MACF1: variants seen among roughly 807,000 people sequenced by gnomAD.
MACF1 encodes microtubule actin crosslinking factor 1.
Under a neutral mutation model 854.8 loss-of-function variants are expected in MACF1, and 193 were observed. The observed-to-expected ratio is 0.23, with a 90% CI of 0.20 to 0.25. The LOEUF (loss-of-function observed/expected upper bound fraction) is 0.25, where lower values mean the gene tolerates loss of function less well. Ranked by LOEUF, MACF1 falls within the 10% of genes least tolerant of loss-of-function variation. The pLI is 1.00. For missense variants in MACF1, 7,722 were observed against 8,929.1 expected (o/e 0.86, Z 5.45); for synonymous variants, 3,185 against 3,226.7 (o/e 0.99, Z 0.44).
chr1:39,338,718 A>G (rs1481292594), intron 38 of MACF1, among the ~76,000 whole-genome samples: 1 of 152,210 alleles, frequency 6.6e-6, no homozygotes, highest in African/African-American at 2.4e-5. Flanking sequence ...GGAAGTTCAC[A>G]TACATACTGA....
At position 39,448,024 on chromosome 1, in the gene MACF1, T is replaced by C; in HGVS notation, c.19969-9T>C. The stretch of plus-strand genomic sequence containing the variant: ...CATTCCTGTTAACTTATTTCTTATG[T>C]AATTTTAGTTCCATGAAGCTTGGAA... On this transcript the variant is annotated splice_polypyrimidine_tract_variant and intron_variant, in intron 82 of 100. Transcript: ENST00000564288. 1 of 1,613,906 alleles carries C rather than the reference T, an allele frequency of 6.2e-7. No individual in the cohort carries two copies. The highest frequency in any genetic ancestry group is 8.5e-7 in the Non-Finnish European group (1 of 1,179,928).
chr1:39,095,711 A>G (rs998877070), intron 2 of MACF1, among the ~76,000 whole-genome samples: 2 of 148,034 alleles, frequency 1.4e-5, no homozygotes, highest in South Asian at 2.1e-4. Flanking sequence ...TGAGACCACC[A>G]TCTCCACAAA....
In MACF1 at chr1:39,388,578, G is replaced by A. The variant is rs758028660; in HGVS notation, c.15736G>A (p.Ala5246Thr). 4 of 1,613,902 alleles carry A rather than the reference G, an allele frequency of 2.5e-6. No homozygotes were observed. Among genetic ancestry groups the A allele is most frequent in the South Asian group, 2.2e-5 (2 of 91,074 alleles). ...GAAAGGACTCAATGACGCGACCACA[G>A]CAGCAGAGGAGGCAGAGGCCCTCCA... ...KLKGLNDATT[A>T]AEEAEALQWV... The change falls in exon 58 of 101, where the codon GCA becomes ACA. Residue 5246 changes from alanine to threonine, a missense_variant. By Grantham distance (58) the Ala-to-Thr change is moderately conservative. This residue lies in a region of MACF1 where 2,807 missense variants were observed against 3,235.8 expected (regional missense o/e 0.87). Transcript: ENST00000564288.
At chr1:39,315,405 A>G (rs1646392859) in intron 26 of MACF1, 108 bp from the exon 27 acceptor site, 1 of 878,786 alleles carries the variant, frequency 1.1e-6, no homozygotes, top group Non-Finnish European at 1.8e-6. Context: ...CCTCCTATAT[A>G]TGGGCATTTA....
intron 97 of MACF1, among the ~76,000 whole-genome samples, chr1:39,479,165 T>G (rs1644968225): frequency 1.3e-5 from 2 of 152,174 alleles, no homozygotes; most frequent in South Asian, 4.1e-4. Context: ...TGGCCTTTTA[T>G]TGCTTTCAGT....
chr1:39,310,484 T>C, intron 25 of MACF1, 56 bp downstream of exon 25: 1 of 1,541,634 alleles, frequency 6.5e-7, no homozygotes, highest in East Asian at 2.3e-5. Flanking sequence ...TTTCAAGGGG[T>C]TGCTGTGAAA....
At chr1:39,477,690 G>A (rs1334353950) in intron 97 of MACF1, among the ~76,000 whole-genome samples, 2 of 152,026 alleles carry the variant, frequency 1.3e-5, no homozygotes, top group Non-Finnish European at 2.9e-5. Context: ...CTTGGGGGTC[G>A]GGGGACAAAG....
rs141742598 is a variant in MACF1 at position 39,359,742 on chromosome 1, G to A, written c.12244+478G>A. Among the ~76,000 whole-genome samples, 890 of 151,282 alleles carry A rather than the reference G, an allele frequency of 5.9e-3. 7 individuals are homozygous for A. Among genetic ancestry groups the A allele is most frequent in the Middle Eastern group, 0.017 (5 of 292 alleles). On this transcript the variant is annotated intron_variant, in intron 47 of 100. Coordinates refer to ENST00000564288, the MANE Select transcript of MACF1 (RefSeq NM_001394062.1). ...TCCCAGCACTTTGGGAGGCCGAGGC[G>A]GGCAGATCACGAGGTCAGGAGATCG... is the stretch of plus-strand genomic sequence containing the variant.
chr1:39,316,220 G>A (rs961346026), intron 27 of MACF1, among the ~76,000 whole-genome samples, 171 bp from the exon 28 acceptor site: 2 of 152,162 alleles, frequency 1.3e-5, no homozygotes, highest in Non-Finnish European at 2.9e-5. Context: ...GCTTAAATTG[G>A]CAGCATAAAA....
intron 2 of MACF1, among the ~76,000 whole-genome samples, chr1:39,104,861 G>A (rs1642180350): frequency 6.6e-6 from 1 of 152,198 alleles, no homozygotes; most frequent in Non-Finnish European, 1.5e-5. Context: ...TTCTGACCGC[G>A]TCTAGCCCTG....
At chr1:39,151,336 C>G (rs1643573178) in intron 2 of MACF1, among the ~76,000 whole-genome samples, 1 of 152,088 alleles carries the variant, frequency 6.6e-6, no homozygotes, top group African/African-American at 2.4e-5. Context: ...CTATAGTGTC[C>G]TAATTGGTTT....
At chr1:39,435,953 A>C (rs1643965465) in intron 70 of MACF1, 192 bp downstream of exon 70, 2 of 581,264 alleles carry the variant, frequency 3.4e-6, no homozygotes, top group East Asian at 5.6e-5. Flanking sequence ...CATTCTAAGG[A>C]GAGTGAAATG....
intron 99 of MACF1, among the ~76,000 whole-genome samples, chr1:39,483,123 T>C (rs1333442472): frequency 7.1e-6 from 1 of 141,146 alleles, no homozygotes; most frequent in African/African-American, 2.7e-5. Context: ...CACCCACACA[T>C]TTAAAATACT....
At chr1:39,295,738 T>A (rs767102619) in intron 19 of MACF1, 49 bp from the exon 20 acceptor site, 1 of 1,346,294 alleles carries the variant, frequency 7.4e-7, no homozygotes, top group South Asian at 1.2e-5. Context: ...GCATATATAT[T>A]GAGTCTGTTA....
At position 39,310,926 on chromosome 1, in the gene MACF1, A is replaced by G; in HGVS notation, c.3196A>G (p.Ile1066Val). Reference sequence around the variant, plus strand: ...GTATGAACAGAGGGTGGTCAAACGAATTCAGTCTCTAGCCAGCTCTAGGAC... The same window carrying G: ...GTATGAACAGAGGGTGGTCAAACGAGTTCAGTCTCTAGCCAGCTCTAGGAC... Reference protein sequence around the residue: ...EEYEQRVVKRIQSLASSRTDR... With the variant: ...EEYEQRVVKRVQSLASSRTDR... The change falls in exon 26 of 101, where the codon ATT (isoleucine) becomes GTT (valine). Residue 1066 changes from isoleucine to valine, a missense_variant. Coordinates refer to ENST00000564288, the MANE Select transcript of MACF1 (RefSeq NM_001394062.1). The G allele has an allele frequency of 6.2e-7, 1 of 1,614,204 alleles. No homozygotes were observed. Among genetic ancestry groups the G allele is most frequent in the Non-Finnish European group, 8.5e-7 (1 of 1,180,026 alleles).
Position 39,447,874 on chromosome 1 carries a change from T to G in MACF1, c.19944T>G (p.Asp6648Glu). Residue 6648 changes from aspartate to glutamate, a missense_variant, in exon 82 of 101, where the codon GAT (aspartate) becomes GAG (glutamate). Transcript: ENST00000564288. ...QRSIERGRSL[D>E]DARKRAKQFH... ...CTATTGAAAGAGGGCGATCACTAGA[T>G]GATGCCAGGAAGCGGGCAAAACAAG... is the stretch of plus-strand genomic sequence containing the variant. 1.2e-6 allele frequency: 2 copies of G among 1,614,042 alleles called. No individual in the cohort carries two copies. The highest frequency in any genetic ancestry group is 1.7e-6 in the Non-Finnish European group (2 of 1,180,016).
chr1:39,394,600 G>T (rs574017964), intron 58 of MACF1, among the ~76,000 whole-genome samples: 2 of 152,104 alleles, frequency 1.3e-5, no homozygotes, highest in Admixed American at 1.3e-4. Context: ...TCCAGCCTGG[G>T]TGTCAGAAAG....
rs1643645359 is a variant in MACF1, at chr1:39,424,021, A to C, written c.16150-7A>C. ...TGTGTTACAGCTTTTCATTCTCTTT[A>C]TAATAGTTGCTCCAGCGGCTCCTAG... is the stretch of plus-strand genomic sequence containing the variant. On this transcript the variant is annotated splice_polypyrimidine_tract_variant and splice_region_variant and intron_variant, in intron 60 of 100. Coordinates refer to ENST00000564288, the MANE Select transcript of MACF1 (RefSeq NM_001394062.1). The C allele has an allele frequency of 1.9e-6, 3 of 1,607,014 alleles. No homozygotes were observed. The African/African-American group carries it at 4.1e-5, about 22-fold the overall frequency.
intron 1 of MACF1, among the ~76,000 whole-genome samples, chr1:39,207,588 T>G (rs1644466114): frequency 6.6e-6 from 1 of 152,078 alleles, no homozygotes; most frequent in South Asian, 2.1e-4. Context: ...CTGAAGAATG[T>G]TCATAGTTTT....
Sources: gnomAD v4.1 joint callset for allele counts (sites outside exome capture counted in the v4.1 genomes callset) on GRCh38, gnomAD v4.1.1 for gene constraint, gnomAD v4.1.1 regional missense constraint, MANE v1.5 for transcripts, NCBI Gene and HGNC (gene_info 2026-07-23, HGNC 2026-07-21) for gene names.